The following FSTL4 variants were observed in gnomAD, a reference collection of about 807,000 sequenced individuals.
FSTL4 encodes follistatin-related protein 4.
Under a neutral mutation model 78.2 loss-of-function variants are expected in FSTL4, and 28 were observed. The ratio of observed to expected loss-of-function variants is 0.36; its 90% CI spans 0.27 to 0.49. The LOEUF (loss-of-function observed/expected upper bound fraction) is 0.49, where lower values mean the gene tolerates loss of function less well. Among genes scored for constraint, FSTL4 ranks in the 20% least tolerant of loss-of-function variants. The probability of loss-of-function intolerance (pLI) is 0.98; values close to 1 mark genes in which losing one functional copy is unlikely to be tolerated. For synonymous variants in FSTL4, 422 were observed against 440.5 expected, an observed-to-expected ratio of 0.96 and a Z score of 0.53; for missense variants, 922 against 1,084.9, an observed-to-expected ratio of 0.85 and a Z score of 2.11.
At chr5:133,527,572 C>G (rs1177276658) in intron 3 of FSTL4, among the ~76,000 whole-genome samples, 3 of 152,092 alleles carry the variant, frequency 2.0e-5, no homozygotes, top group Non-Finnish European at 4.4e-5. Flanking sequence ...TGTTAAACAG[C>G]CAAGCATCAT....
chr5:133,670,072 C>T, the FSTL4 span, among the ~76,000 whole-genome samples: 3 of 152,174 alleles, frequency 2.0e-5, no homozygotes, highest in Admixed American at 1.3e-4. Flanking sequence ...GCTGTAGGAC[C>T]CATGTCCTTC....
chr5:133,277,082 C>T (rs529104949), intron 6 of FSTL4, among the ~76,000 whole-genome samples: 8 of 152,226 alleles, frequency 5.3e-5, no homozygotes, highest in Non-Finnish European at 7.4e-5. Flanking sequence ...GAGGCCAAGG[C>T]GGGTGGATCA....
At chr5:133,732,727 C>T in the FSTL4 span, among the ~76,000 whole-genome samples, 1 of 151,764 alleles carries the variant, frequency 6.6e-6, no homozygotes, top group South Asian at 2.1e-4. Context: ...TTCCACAGGT[C>T]CAGGCCCTCC....
the FSTL4 span, among the ~76,000 whole-genome samples, chr5:133,701,496 CA>C: frequency 6.1e-5 from 8 of 131,596 alleles, no homozygotes; most frequent in African/African-American, 1.9e-4. Context: ...CACACACACA[CA>C]CACACACACA....
chr5:133,302,224 C>T (rs1308482723), intron 6 of FSTL4, among the ~76,000 whole-genome samples: 5 of 152,208 alleles, frequency 3.3e-5, no homozygotes, highest in Admixed American at 2.6e-4. Context: ...ATGGCCGTTA[C>T]ATGTGCCCCC....
chr5:133,629,248 G>T, the FSTL4 span, among the ~76,000 whole-genome samples: 1 of 151,914 alleles, frequency 6.6e-6, no homozygotes, highest in African/African-American at 2.4e-5. Flanking sequence ...TTTTGTCATT[G>T]GTTCTGTTCA....
intron 3 of FSTL4, among the ~76,000 whole-genome samples, chr5:133,467,305 C>G (rs1580728090): frequency 6.6e-6 from 1 of 151,594 alleles, no homozygotes; most frequent in Non-Finnish European, 1.5e-5. Context: ...TACACCACTG[C>G]ATTCCCTGGG....
the FSTL4 span, among the ~76,000 whole-genome samples, chr5:133,719,568 G>C: frequency 4.0e-5 from 6 of 150,696 alleles, no homozygotes; most frequent in African/African-American, 1.5e-4. Context: ...AGCTACTCAA[G>C]AGGCTGAGGC....
At position 133,199,474 on chromosome 5, in the gene FSTL4, G is replaced by A; in HGVS notation, c.2150C>T (p.Thr717Ile). 1 of 1,614,212 alleles carries A rather than the reference G, an allele frequency of 6.2e-7. No homozygotes were observed. The highest frequency in any genetic ancestry group is 8.5e-7 in the Non-Finnish European group (1 of 1,180,024). Residue 717 changes from threonine (T) to isoleucine (I), a missense_variant, in exon 16 of 16, where the codon ACA (threonine) becomes ATA (isoleucine). Coordinates refer to ENST00000265342, the MANE Select transcript of FSTL4 (RefSeq NM_015082.2). The surrounding 1 kb of genome is among the most constrained non-coding windows in gnomAD (Gnocchi z 4.4). ...DSPWLHVQEI[T>I]VRGEIQTLYD... Reference sequence around the variant, plus strand: ...CAGGGTCTGGATCTCGCCCCGCACTGTGATCTCCTGCACGTGCAGCCAGGG... The same window carrying A: ...CAGGGTCTGGATCTCGCCCCGCACTATGATCTCCTGCACGTGCAGCCAGGG...
intron 3 of FSTL4, among the ~76,000 whole-genome samples, chr5:133,499,530 C>T (rs1195061664): frequency 6.6e-6 from 1 of 152,156 alleles, no homozygotes. Flanking sequence ...CCAACTGCTT[C>T]CCCAAATCCA....
chr5:133,330,808 G>T (rs1381596971), intron 4 of FSTL4, among the ~76,000 whole-genome samples: 1 of 152,166 alleles, frequency 6.6e-6, no homozygotes, highest in East Asian at 1.9e-4. Context: ...ATTTACAAGA[G>T]CAACCCAAAT....
chr5:133,444,674 G>C (rs894942199), intron 3 of FSTL4, among the ~76,000 whole-genome samples: 5 of 152,244 alleles, frequency 3.3e-5, no homozygotes, highest in African/African-American at 1.2e-4. Context: ...TCAGGGACCA[G>C]GCAGGAATGA....
At chr5:133,673,997 C>G in the FSTL4 span, among the ~76,000 whole-genome samples, 1 of 152,178 alleles carries the variant, frequency 6.6e-6, no homozygotes, top group Non-Finnish European at 1.5e-5. Flanking sequence ...CATATTTAAA[C>G]TTTTGTGATG....
chr5:133,719,066 C>G, the FSTL4 span, among the ~76,000 whole-genome samples: 64,599 of 152,050 alleles, frequency 0.42, 17,789 homozygotes, highest in African/African-American at 0.79. Context: ...TGGTTTTATA[C>G]ATATAGTGAA....
At chr5:133,365,264 C>T (rs951772103) in intron 4 of FSTL4, among the ~76,000 whole-genome samples, 6 of 150,698 alleles carry the variant, frequency 4.0e-5, no homozygotes, top group Middle Eastern at 3.4e-3. Context: ...AATAATAAAC[C>T]TTAATGGAAA....
intron 3 of FSTL4, among the ~76,000 whole-genome samples, chr5:133,507,732 A>C (rs1347885082): frequency 6.6e-6 from 1 of 151,964 alleles, no homozygotes; most frequent in Non-Finnish European, 1.5e-5. Flanking sequence ...TATGTTGGCC[A>C]GGATGGTCTC....
the FSTL4 span, among the ~76,000 whole-genome samples, chr5:133,657,455 G>A: frequency 1.3e-5 from 2 of 150,596 alleles, no homozygotes; most frequent in African/African-American, 4.8e-5. Context: ...GGTGCACAGA[G>A]TTGAGTACAT....
chr5:133,298,554 AC>A (rs1753460861), intron 6 of FSTL4, among the ~76,000 whole-genome samples: 1 of 152,096 alleles, frequency 6.6e-6, no homozygotes, highest in Non-Finnish European at 1.5e-5. Flanking sequence ...GCAAATATTC[AC>A]CTGTTGTGTT....
intron 11 of FSTL4, among the ~76,000 whole-genome samples, chr5:133,221,807 CTTCCT>C (rs1751114881): frequency 6.6e-6 from 1 of 151,078 alleles, no homozygotes; most frequent in East Asian, 2.0e-4. Context: ...TCCCCTTTCC[CTTCCT>C]TTCTTCATTT....
Sources: gnomAD v4.1 joint callset for allele counts (sites outside exome capture counted in the v4.1 genomes callset) on GRCh38, gnomAD v4.1.1 for gene constraint, Gnocchi (gnomAD v3.1) non-coding constraint, MANE v1.5 for transcripts, NCBI Gene and HGNC (gene_info 2026-07-23, HGNC 2026-07-21) for gene names.